OSBPL10: variants seen among roughly 807,000 people sequenced by gnomAD.
The protein encoded by OSBPL10 is oxysterol binding protein like 10.
A neutral mutation model predicts 81.7 loss-of-function variants in OSBPL10; 49 were observed. That is an observed-to-expected ratio of 0.60 (90% CI 0.48 to 0.76). The LOEUF is 0.76. Ranked by LOEUF, OSBPL10 falls within the 30% of genes least tolerant of loss-of-function variation. The pLI is 0.00. For synonymous variants in OSBPL10, 419 were observed against 383.6 expected (o/e 1.09, Z -1.08); for missense variants, 923 against 987.8 (o/e 0.93, Z 0.88).
chr3:31,668,903 GA>G (rs972424087), intron 9 of OSBPL10, 79 bp from the exon 10 acceptor site: 4 of 1,289,068 alleles, frequency 3.1e-6, no homozygotes, highest in Non-Finnish European at 4.1e-6. Flanking sequence ...CATCTCTAGA[GA>G]TTTTTTTTTT....
chr3:31,857,908 G>T (rs1320818936), intron 3 of OSBPL10, among the ~76,000 whole-genome samples: 1 of 150,678 alleles, frequency 6.6e-6, no homozygotes, highest in Non-Finnish European at 1.5e-5. Context: ...GAGAGAGAGA[G>T]ATACAGAAAA....
intron 6 of OSBPL10, among the ~76,000 whole-genome samples, chr3:31,720,814 C>A (rs1696616225): frequency 7.0e-6 from 1 of 141,992 alleles, no homozygotes; most frequent in South Asian, 2.3e-4. Context: ...GCATGATAAT[C>A]ACTTGAACCT....
chr3:31,796,982 A>G (rs533519088), intron 4 of OSBPL10, among the ~76,000 whole-genome samples: 2 of 140,876 alleles, frequency 1.4e-5, no homozygotes, highest in Non-Finnish European at 3.0e-5. Flanking sequence ...TTATTTTATT[A>G]ATTTTTATTA....
chr3:31,884,036 C>G (rs1695665842), intron 1 of OSBPL10, among the ~76,000 whole-genome samples: 1 of 152,122 alleles, frequency 6.6e-6, no homozygotes, highest in Non-Finnish European at 1.5e-5. Context: ...AGGCAGCTTC[C>G]CAAATGCATC....
upstream of OSBPL10, chr3:31,981,414 G>T: frequency 1.7e-6 from 1 of 597,674 alleles, no homozygotes; most frequent in Non-Finnish European, 2.4e-6. The surrounding 1 kb of genome is among the most constrained non-coding windows in gnomAD (Gnocchi z 4.5). Context: ...CCAGGGCCCG[G>T]CCCCTCCCTC....
chr3:32,055,238 C>G (rs1245326084), intron 1 of OSBPL10, among the ~76,000 whole-genome samples: 1 of 107,376 alleles, frequency 9.3e-6, no homozygotes, highest in Non-Finnish European at 1.7e-5. Context: ...GAGTCTCGCT[C>G]TGTCGCCCAG....
chr3:32,005,496 TGG>T (rs1222010694), intron 2 of OSBPL10, among the ~76,000 whole-genome samples: 1 of 152,152 alleles, frequency 6.6e-6, no homozygotes, highest in Admixed American at 6.5e-5. Context: ...AAATAAGTCA[TGG>T]GGCATATGTG....
chr3:32,041,669 T>C (rs957604089), intron 2 of OSBPL10, among the ~76,000 whole-genome samples: 2 of 152,056 alleles, frequency 1.3e-5, no homozygotes, highest in Non-Finnish European at 2.9e-5. Context: ...TTCTTTCTTT[T>C]TTCTTTTTTT....
chr3:31,833,703 A>ACG (rs1553631713), intron 3 of OSBPL10, among the ~76,000 whole-genome samples: 2,381 of 137,006 alleles, frequency 0.017, 30 homozygotes, highest in African/African-American at 0.027. Context: ...GCACACGCAC[A>ACG]CGCACACACA....
intron 6 of OSBPL10, among the ~76,000 whole-genome samples, chr3:31,726,755 T>G (rs1178023587): frequency 2.0e-5 from 3 of 152,068 alleles, no homozygotes; most frequent in Admixed American, 6.6e-5. Context: ...TGGAAGAAAC[T>G]TGTATCTTTG....
Position 31,783,823 on chromosome 3 carries a change from AATATATATAT to A in OSBPL10, c.730-35713_730-35704del, listed in dbSNP as rs60886858. Among the ~76,000 whole-genome samples the A allele has an allele frequency of 8.1e-3, 136 of 16,712 alleles. 1 individual carries two copies. Among genetic ancestry groups the A allele is most frequent in the African/African-American group, 0.013 (76 of 5,896 alleles). 11.0% of individuals were successfully genotyped at this position (16,712 alleles called of 152,430 possible). A position where few individuals can be genotyped will look rare whatever the true frequency, so the allele number is the denominator to read the frequency against. On this transcript the variant is annotated intron_variant, in intron 4 of 11. Transcript: ENST00000396556. The stretch of plus-strand genomic sequence containing the variant: ...AAAAAAAAAAAAAAAAAAAAAAAAA[AATATATATAT>A]ATATATATATATATATATATATATA...
intron 2 of OSBPL10, among the ~76,000 whole-genome samples, chr3:32,027,142 C>T (rs1167588947): frequency 6.6e-6 from 1 of 152,066 alleles, no homozygotes; most frequent in Admixed American, 6.5e-5. Context: ...AACCCATCAT[C>T]TACATTAGGT....
intron 1 of OSBPL10, among the ~76,000 whole-genome samples, chr3:32,072,717 G>A (rs1013077658): frequency 2.6e-5 from 4 of 152,030 alleles, no homozygotes; most frequent in African/African-American, 7.2e-5. Context: ...ATTCACCCTC[G>A]CCCAGGAGTG....
intron 4 of OSBPL10, among the ~76,000 whole-genome samples, chr3:31,792,382 T>G (rs1413881355): frequency 1.3e-5 from 2 of 152,146 alleles, no homozygotes; most frequent in Non-Finnish European, 2.9e-5. Context: ...TTTTCCAAGT[T>G]TTCAAAGTTG....
intron 1 of OSBPL10, among the ~76,000 whole-genome samples, chr3:31,955,656 G>A (rs1256699159): frequency 2.0e-5 from 3 of 152,116 alleles, no homozygotes; most frequent in Non-Finnish European, 4.4e-5. Context: ...TACCCACCAG[G>A]GATTTAGCCA....
chr3:31,928,639 G>A (rs1206079147), intron 1 of OSBPL10, among the ~76,000 whole-genome samples: 1 of 151,996 alleles, frequency 6.6e-6, no homozygotes, highest in Non-Finnish European at 1.5e-5. Context: ...AGCCGGGCAT[G>A]GTGGTGCATG....
chr3:31,797,689 A>G (rs1308488289), intron 4 of OSBPL10: 1 of 404,678 alleles, frequency 2.5e-6, no homozygotes, highest in Non-Finnish European at 5.1e-6. Flanking sequence ...ATACACACAC[A>G]GTTTTTTTAT....
intron 3 of OSBPL10, among the ~76,000 whole-genome samples, chr3:31,853,242 A>C (rs1197000224): frequency 1.3e-5 from 2 of 152,120 alleles, no homozygotes; most frequent in African/African-American, 2.4e-5. Flanking sequence ...ATTCAGAGGG[A>C]AGAAAGATTG....
At chr3:31,828,062 C>T (rs1452687911) in intron 4 of OSBPL10, among the ~76,000 whole-genome samples, 3 of 152,050 alleles carry the variant, frequency 2.0e-5, no homozygotes, top group Admixed American at 2.0e-4. Context: ...CACAGAGATT[C>T]ATTATAATAC....
Sources: allele counts gnomAD v4.1 joint callset (sites outside exome capture counted in the v4.1 genomes callset), GRCh38; gene constraint gnomAD v4.1.1; non-coding constraint Gnocchi (gnomAD v3.1); transcripts MANE v1.5; gene names NCBI Gene and HGNC (gene_info 2026-07-23, HGNC 2026-07-21).